The following PCDH15 variants were observed in gnomAD, a reference collection of about 807,000 sequenced individuals.
The protein encoded by PCDH15 is protocadherin related 15, also known as protocadherin-15.
PCDH15 carries 129 observed loss-of-function variants against 178.5 expected under a neutral mutation model. The observed-to-expected ratio is 0.72, with a 90% confidence interval of 0.63 to 0.84. The LOEUF (loss-of-function observed/expected upper bound fraction) is 0.84. Among genes scored for constraint, PCDH15 ranks in the 40% least tolerant of loss-of-function variants. The pLI is 0.00. For synonymous variants in PCDH15, 800 were observed against 732.0 expected (o/e 1.09, Z -1.50); for missense variants, 2,230 against 2,099.9 (o/e 1.06, Z -1.21).
At chr10:55,011,045 C>T (rs1591834265) in intron 2 of PCDH15, among the ~76,000 whole-genome samples, 1 of 152,094 alleles carries the variant, frequency 6.6e-6, no homozygotes, top group South Asian at 2.1e-4. Flanking sequence ...AGAGGAATAA[C>T]TGAAAGAGGA....
chr10:54,285,182 G>C (rs1055511786), intron 8 of PCDH15, among the ~76,000 whole-genome samples: 7 of 151,760 alleles, frequency 4.6e-5, no homozygotes, highest in African/African-American at 9.7e-5. Context: ...CATGACATTG[G>C]TCTAGGCACA....
chr10:53,837,927 TTCTA>T (rs1490615167), intron 29 of PCDH15, among the ~76,000 whole-genome samples: 1 of 151,236 alleles, frequency 6.6e-6, no homozygotes, highest in East Asian at 2.0e-4. Context: ...TTCATGGCTA[TTCTA>T]TCTTTTCTTC....
intron 8 of PCDH15, among the ~76,000 whole-genome samples, chr10:54,272,966 A>G (rs1186810546): frequency 2.2e-4 from 34 of 152,176 alleles, no homozygotes; most frequent in Admixed American, 2.2e-3. Flanking sequence ...ATTGATTATC[A>G]GAGTATAATG....
At chr10:54,721,811 T>G (rs373527649) in intron 1 of PCDH15, among the ~76,000 whole-genome samples, 24 of 152,042 alleles carry the variant, frequency 1.6e-4, no homozygotes, top group East Asian at 9.7e-4. Context: ...CCAATACTCA[T>G]TTTACTGACA....
intron 2 of PCDH15, among the ~76,000 whole-genome samples, chr10:54,663,432 T>C (rs1370430135): frequency 1.4e-5 from 2 of 148,138 alleles, no homozygotes; most frequent in Admixed American, 6.8e-5. Context: ...TTTATATATA[T>C]ATAAATATAT....
chr10:55,406,707 C>T (rs541877361), intron 2 of PCDH15, among the ~76,000 whole-genome samples: 1 of 152,180 alleles, frequency 6.6e-6, no homozygotes, highest in South Asian at 2.1e-4. Flanking sequence ...GGAGAGAGGT[C>T]TGAGCTGGAC....
At chr10:54,703,822 G>A (rs1210757289) in intron 1 of PCDH15, among the ~76,000 whole-genome samples, 1 of 152,020 alleles carries the variant, frequency 6.6e-6, no homozygotes, top group East Asian at 1.9e-4. Flanking sequence ...AAAGAACAAA[G>A]CTGGAGGCAT....
intron 3 of PCDH15, among the ~76,000 whole-genome samples, chr10:54,859,626 C>T (rs930392979): frequency 6.6e-5 from 10 of 151,908 alleles, no homozygotes; most frequent in African/African-American, 2.4e-4. Flanking sequence ...GAGAAACCAA[C>T]ATTTATTGAT....
intron 3 of PCDH15, among the ~76,000 whole-genome samples, chr10:54,508,942 A>G (rs1290392079): frequency 6.6e-6 from 1 of 152,138 alleles, no homozygotes; most frequent in Non-Finnish European, 1.5e-5. Flanking sequence ...AGTCATTTAC[A>G]TTTCACGTAT....
intron 2 of PCDH15, among the ~76,000 whole-genome samples, chr10:54,903,762 C>T (rs879779675): frequency 6.6e-6 from 1 of 151,920 alleles, no homozygotes; most frequent in Non-Finnish European, 1.5e-5. Flanking sequence ...TCAGAGGAAC[C>T]AAATCATTTT....
intron 2 of PCDH15, among the ~76,000 whole-genome samples, chr10:55,338,676 G>T (rs1844466534): frequency 6.6e-6 from 1 of 152,098 alleles, no homozygotes; most frequent in African/African-American, 2.4e-5. Context: ...GCTGAAGCAG[G>T]GGAATCGCTT....
intron 1 of PCDH15, among the ~76,000 whole-genome samples, chr10:54,787,242 T>C (rs2133495177): frequency 6.6e-6 from 1 of 150,428 alleles, no homozygotes; most frequent in East Asian, 2.0e-4. Context: ...TTAAAAGGTT[T>C]CCAAAATATT....
At chr10:55,211,115 C>A (rs1270657144) in intron 1 of PCDH15, among the ~76,000 whole-genome samples, 1 of 151,828 alleles carries the variant, frequency 6.6e-6, no homozygotes, top group East Asian at 1.9e-4. Flanking sequence ...ATGGCAGGGT[C>A]AAGGTAATGA....
intron 8 of PCDH15, among the ~76,000 whole-genome samples, chr10:54,289,449 C>T (rs1050739647): frequency 2.0e-5 from 3 of 152,158 alleles, no homozygotes; most frequent in African/African-American, 7.2e-5. Context: ...GAAAACAGAG[C>T]AGAAAAGCTG....
chr10:55,481,835 T>TCAG (rs1840188135), intron 2 of PCDH15, among the ~76,000 whole-genome samples: 1 of 151,762 alleles, frequency 6.6e-6, no homozygotes, highest in African/African-American at 2.4e-5. Context: ...GAGTTCTCTA[T>TCAG]GTGTCTATCA....
At chr10:55,385,718 T>C (rs1364719011) in intron 2 of PCDH15, among the ~76,000 whole-genome samples, 1 of 140,896 alleles carries the variant, frequency 7.1e-6, no homozygotes, top group Admixed American at 7.2e-5. Context: ...TATATATATA[T>C]GCATATATAT....
intron 2 of PCDH15, among the ~76,000 whole-genome samples, chr10:55,089,656 T>C (rs751964990): frequency 5.9e-5 from 9 of 152,140 alleles, no homozygotes; most frequent in Non-Finnish European, 1.0e-4. Flanking sequence ...GTTTTCCACA[T>C]TGAGTCTCTG....
At chr10:55,578,513 C>T (rs1842540474) in intron 2 of PCDH15, among the ~76,000 whole-genome samples, 1 of 152,124 alleles carries the variant, frequency 6.6e-6, no homozygotes, top group Non-Finnish European at 1.5e-5. Flanking sequence ...GCCACTGCGC[C>T]CGGCCTGAAA....
chr10:55,362,703 TC>T (rs1183762454), intron 2 of PCDH15, among the ~76,000 whole-genome samples: 1 of 152,128 alleles, frequency 6.6e-6, no homozygotes, highest in East Asian at 1.9e-4. Context: ...CGATTTTCTC[TC>T]TTGTGTAGAT....
Sources: allele counts gnomAD v4.1 joint callset (sites outside exome capture counted in the v4.1 genomes callset), GRCh38; gene constraint gnomAD v4.1.1; transcripts MANE v1.5; gene names NCBI Gene and HGNC (gene_info 2026-07-23, HGNC 2026-07-21).